TMEM232: variants seen among roughly 807,000 people sequenced by gnomAD.
The protein encoded by TMEM232 is transmembrane protein 232.
In TMEM232, 80 loss-of-function variants were observed where a neutral mutation model predicts 78.8. The ratio of observed to expected loss-of-function variants is 1.01; its 90% CI spans 0.85 to 1.22. The LOEUF is 1.22. TMEM232 is among the 50% of genes most tolerant of loss of function. The pLI is 0.00. For synonymous variants in TMEM232, 297 were observed against 254.3 expected (o/e 1.17, Z -1.60); for missense variants, 881 against 742.2 (o/e 1.19, Z -2.17).
chr5:110,564,579 A>C (rs979512309), intron 11 of TMEM232, among the ~76,000 whole-genome samples: 1 of 152,008 alleles, frequency 6.6e-6, no homozygotes, highest in African/African-American at 2.4e-5. Flanking sequence ...AAATTGAGGA[A>C]CTTTTGAAAG....
At chr5:110,492,013 T>G (rs1323904032) in intron 12 of TMEM232, among the ~76,000 whole-genome samples, 2 of 151,930 alleles carry the variant, frequency 1.3e-5, no homozygotes, top group East Asian at 3.9e-4. Context: ...AATACTTCAG[T>G]GCAATCATAC....
chr5:110,431,697 C>T (rs1284887224), intron 12 of TMEM232, among the ~76,000 whole-genome samples: 7 of 151,530 alleles, frequency 4.6e-5, no homozygotes, highest in African/African-American at 1.7e-4. Context: ...TCTTAAAATT[C>T]ACATATTACT....
intron 12 of TMEM232, among the ~76,000 whole-genome samples, chr5:110,526,215 A>C (rs1208134736): frequency 2.6e-5 from 4 of 151,542 alleles, no homozygotes; most frequent in Admixed American, 2.6e-4. Flanking sequence ...AAATTAATAA[A>C]TACATTCTAT....
rs142871780 is a variant in TMEM232, at chr5:110,554,869, T to C, written c.1455+13578A>G. Among the ~76,000 whole-genome samples, 1,007 of 152,310 alleles carry C rather than the reference T, an allele frequency of 6.6e-3. 21 individuals are homozygous for C. Among genetic ancestry groups the C allele is most frequent in the African/African-American group, 0.022 (932 of 41,564 alleles). On this transcript the variant is annotated intron_variant, in intron 11 of 13. Transcript: ENST00000455884. ...TTGGTCTCTGTAGGGTTTTGATTTCTTCCTGGTTCAACCTTGGGAGGTTAT... is the reference window on the plus strand; with the variant it reads ...TTGGTCTCTGTAGGGTTTTGATTTCCTCCTGGTTCAACCTTGGGAGGTTAT...
intron 1 of TMEM232, among the ~76,000 whole-genome samples, chr5:110,721,677 A>ATATATATATATC (rs1420011557): frequency 8.4e-6 from 1 of 118,714 alleles, no homozygotes; most frequent in African/African-American, 3.0e-5. Flanking sequence ...GTGTGTGTAT[A>ATATATATATATC]TATATATCTG....
intron 8 of TMEM232, among the ~76,000 whole-genome samples, chr5:110,613,925 G>A (rs930536156): frequency 6.6e-6 from 1 of 151,798 alleles, no homozygotes; most frequent in Non-Finnish European, 1.5e-5. Context: ...ATTATTAACA[G>A]AATAGTTAAT....
At chr5:110,515,809 T>C (rs747581267) in intron 12 of TMEM232, among the ~76,000 whole-genome samples, 1 of 152,324 alleles carries the variant, frequency 6.6e-6, no homozygotes, top group East Asian at 1.9e-4. Flanking sequence ...GGAGGAGCAC[T>C]AGCCTTGGGT....
intron 1 of TMEM232, among the ~76,000 whole-genome samples, chr5:110,696,123 T>C (rs1329364153): frequency 6.6e-6 from 1 of 152,172 alleles, no homozygotes; most frequent in Admixed American, 6.5e-5. Context: ...GTGGGCTTCA[T>C]CCCTGGGATG....
At chr5:110,643,470 A>C (rs1015915154) in intron 2 of TMEM232, among the ~76,000 whole-genome samples, 7 of 152,072 alleles carry the variant, frequency 4.6e-5, no homozygotes, top group Admixed American at 3.3e-4. Flanking sequence ...AAAGTAGGAC[A>C]AATAAGTTGA....
chr5:110,666,891 C>A, intron 2 of TMEM232: 1 of 163,956 alleles, frequency 6.1e-6, no homozygotes, highest in Non-Finnish European at 1.3e-5. Context: ...AATAGAAAAA[C>A]ATTCTATTTT....
chr5:110,659,237 A>G (rs749474161), intron 2 of TMEM232, among the ~76,000 whole-genome samples: 1 of 152,150 alleles, frequency 6.6e-6, no homozygotes, highest in African/African-American at 2.4e-5. Context: ...GGTATAAAGT[A>G]TGTAATGTCT....
intron 11 of TMEM232, among the ~76,000 whole-genome samples, chr5:110,532,767 C>T (rs113732556): frequency 9.9e-5 from 15 of 152,000 alleles, no homozygotes; most frequent in Non-Finnish European, 2.1e-4. Flanking sequence ...CCTTGGCGAC[C>T]GATCATGCAC....
At chr5:110,558,782 ATCTC>A (rs1775412821) in intron 11 of TMEM232, among the ~76,000 whole-genome samples, 1 of 152,100 alleles carries the variant, frequency 6.6e-6, no homozygotes. Context: ...CCAAGCAACT[ATCTC>A]TGCCAGCTCA....
At chr5:110,566,519 T>C (rs1403887638) in intron 11 of TMEM232, among the ~76,000 whole-genome samples, 2 of 151,946 alleles carry the variant, frequency 1.3e-5, no homozygotes, top group East Asian at 3.9e-4. Context: ...AAGTTCAAAG[T>C]TCCACAGATC....
chr5:110,583,007 G>A (rs1778381765), intron 10 of TMEM232, among the ~76,000 whole-genome samples: 1 of 151,902 alleles, frequency 6.6e-6, no homozygotes, highest in African/African-American at 2.4e-5. Flanking sequence ...AAACTTAAAT[G>A]AGACACAAAT....
At chr5:110,634,287 T>C (rs1412482447) in intron 5 of TMEM232, among the ~76,000 whole-genome samples, 1 of 152,126 alleles carries the variant, frequency 6.6e-6, no homozygotes, top group Non-Finnish European at 1.5e-5. Context: ...AGACATATTA[T>C]TTAGATAGAA....
At chr5:110,591,656 T>G (rs1250001112) in intron 10 of TMEM232, among the ~76,000 whole-genome samples, 1 of 152,140 alleles carries the variant, frequency 6.6e-6, no homozygotes, top group Non-Finnish European at 1.5e-5. Flanking sequence ...ATTCTTATCA[T>G]AATTATTAGG....
At chr5:110,515,774 C>T (rs1302007996) in intron 12 of TMEM232, among the ~76,000 whole-genome samples, 1 of 152,194 alleles carries the variant, frequency 6.6e-6, no homozygotes, top group Non-Finnish European at 1.5e-5. Context: ...ACGGCACCAG[C>T]TCCTTTTATA....
chr5:110,577,415 A>C (rs1419553757), intron 10 of TMEM232, among the ~76,000 whole-genome samples: 1 of 152,122 alleles, frequency 6.6e-6, no homozygotes. Flanking sequence ...ATGCTTATAC[A>C]CTGTTGGTGG....
Sources: allele counts gnomAD v4.1 joint callset (sites outside exome capture counted in the v4.1 genomes callset), GRCh38; gene constraint gnomAD v4.1.1; transcripts MANE v1.5; gene names NCBI Gene and HGNC (gene_info 2026-07-23, HGNC 2026-07-21).